Variants in NFS1 observed in about 807,000 individuals in gnomAD.
NFS1 encodes the protein NFS1 cysteine desulfurase.
A neutral mutation model predicts 57.3 loss-of-function variants in NFS1; 26 were observed. That is an observed-to-expected ratio of 0.45 (90% CI 0.33 to 0.63). NFS1 has a LOEUF of 0.63. Ranked by LOEUF, NFS1 falls within the 20% of genes least tolerant of loss-of-function variation. NFS1 has a pLI of 0.02. For synonymous variants in NFS1, 209 were observed against 216.3 expected (o/e 0.97, Z 0.30); for missense variants, 505 against 605.8 (o/e 0.83, Z 1.75).
intron 5 of NFS1, 77 bp from the exon 6 acceptor site, chr20:35,682,058 C>A (rs1231195309): frequency 6.5e-6 from 5 of 770,442 alleles, no homozygotes; most frequent in African/African-American, 1.7e-5. Flanking sequence ...CAAACTTAGT[C>A]ATGAAAAGGA....
At chr20:35,695,260 T>TA (rs978304838) in intron 4 of NFS1, among the ~76,000 whole-genome samples, 9 of 152,206 alleles carry the variant, frequency 5.9e-5, no homozygotes, top group African/African-American at 2.2e-4. Context: ...GCCTTCCTGT[T>TA]AACATGATCA....
chr20:35,687,398 G>A (rs892446961), intron 5 of NFS1, among the ~76,000 whole-genome samples: 1 of 151,828 alleles, frequency 6.6e-6, no homozygotes, highest in Non-Finnish European at 1.5e-5. Flanking sequence ...AATGGCGTAA[G>A]CTGTCTCTCT....
At chr20:35,697,848 A>G in intron 2 of NFS1, 48 bp from the exon 3 acceptor site, 1 of 1,326,798 alleles carries the variant, frequency 7.5e-7, no homozygotes. Flanking sequence ...TCGTCAATTC[A>G]GGTCCCACTC....
chr20:35,690,262 T>C, intron 5 of NFS1, 151 bp downstream of exon 5: 2 of 756,446 alleles, frequency 2.6e-6, no homozygotes, highest in East Asian at 2.5e-5. Flanking sequence ...AAGGGGAACA[T>C]GATCTCGTTC....
At chr20:35,696,551 A>G (rs767488213) in intron 3 of NFS1, 91 bp from the exon 4 acceptor site, 2 of 891,488 alleles carry the variant, frequency 2.2e-6, no homozygotes, top group Non-Finnish European at 3.7e-6. Context: ...GAGCAAGAAG[A>G]GCTCCACTGC....
intron 5 of NFS1, among the ~76,000 whole-genome samples, chr20:35,683,978 CG>C (rs1469765952): frequency 7.3e-5 from 11 of 150,402 alleles, no homozygotes; most frequent in African/African-American, 2.7e-4. Flanking sequence ...CTGGGCATGG[CG>C]GCAGGTGCCT....
intron 7 of NFS1, among the ~76,000 whole-genome samples, chr20:35,677,527 G>C (rs2034773972): frequency 6.6e-6 from 1 of 152,052 alleles, no homozygotes; most frequent in Non-Finnish European, 1.5e-5. Context: ...GCAACAGACT[G>C]AGACCTTGAC....
At chr20:35,688,174 G>A (rs540848714) in intron 5 of NFS1, among the ~76,000 whole-genome samples, 29 of 152,168 alleles carry the variant, frequency 1.9e-4, no homozygotes, top group Middle Eastern at 3.4e-3. Flanking sequence ...ACTTGAACCC[G>A]GGAGGCAGAG....
chr20:35,678,193 A>C (rs960875335), intron 7 of NFS1, among the ~76,000 whole-genome samples: 7 of 142,162 alleles, frequency 4.9e-5, no homozygotes, highest in Non-Finnish European at 9.2e-5. Context: ...ACAAAAATAC[A>C]AAAAAAAAAA....
chr20:35,668,565 C>G lies in NFS1; in HGVS notation c.*1057G>C, dbSNP rs765104787. On this transcript the variant is annotated 3_prime_UTR_variant, in exon 13 of 13. Transcript: ENST00000374092. Reference sequence around the variant, plus strand: ...TGCCATTCCTTCTCACCTCTCATTTCTAGATTAGCGAGCTCTTCATATTTA... The same window carrying G: ...TGCCATTCCTTCTCACCTCTCATTTGTAGATTAGCGAGCTCTTCATATTTA... 2.0e-5 allele frequency: 3 copies of G among 152,182 alleles called. No individual in the cohort carries two copies. The highest frequency in any genetic ancestry group is 4.4e-5 in the Non-Finnish European group (3 of 68,044). The allele number at this position is 152,182 out of a possible 1,614,324, so 9.4% of individuals were successfully genotyped here. A position where few individuals can be genotyped will look rare whatever the true frequency, so the allele number is the denominator to read the frequency against.
chr20:35,684,097 G>A (rs1012923756), intron 5 of NFS1, among the ~76,000 whole-genome samples: 1 of 151,642 alleles, frequency 6.6e-6, no homozygotes, highest in Non-Finnish European at 1.5e-5. Flanking sequence ...GGGGCGACCA[G>A]AGCAAAACTC....
chr20:35,691,686 A>C (rs1288293292), intron 4 of NFS1, among the ~76,000 whole-genome samples: 1 of 140,270 alleles, frequency 7.1e-6, no homozygotes, highest in Non-Finnish European at 1.5e-5. Flanking sequence ...GGTTGCAGTG[A>C]GCCAAGAGTG....
intron 4 of NFS1, among the ~76,000 whole-genome samples, chr20:35,691,397 G>C (rs903217483): frequency 1.4e-5 from 2 of 146,944 alleles, no homozygotes; most frequent in African/African-American, 5.0e-5. Context: ...AAAATTCCTG[G>C]AATTTCAACT....
intron 7 of NFS1, among the ~76,000 whole-genome samples, chr20:35,680,352 T>C (rs2034827259): frequency 6.6e-6 from 1 of 151,848 alleles, no homozygotes; most frequent in African/African-American, 2.4e-5. Context: ...CATGCAATCT[T>C]CCCCTGAGCT....
At chr20:35,695,373 G>A (rs548149213) in intron 4 of NFS1, among the ~76,000 whole-genome samples, 24 of 152,324 alleles carry the variant, frequency 1.6e-4, no homozygotes, top group African/African-American at 5.8e-4. Context: ...AAAGATGAGA[G>A]CAAGTGGAGC....
chr20:35,683,642 T>C (rs1286554049), intron 5 of NFS1, among the ~76,000 whole-genome samples: 1 of 149,978 alleles, frequency 6.7e-6, no homozygotes, highest in East Asian at 2.0e-4. Context: ...TAGCCAGGCA[T>C]GGTGGCACGC....
At chr20:35,689,133 C>A (rs541587819) in intron 5 of NFS1, among the ~76,000 whole-genome samples, 1 of 152,306 alleles carries the variant, frequency 6.6e-6, no homozygotes, top group South Asian at 2.1e-4. Context: ...GAGTCCCTGG[C>A]ATCCTGCACA....
intron 12 of NFS1, among the ~76,000 whole-genome samples, chr20:35,670,432 A>T (rs977728502): frequency 6.6e-6 from 1 of 152,252 alleles, no homozygotes; most frequent in African/African-American, 2.4e-5. Flanking sequence ...TGTGCTATGA[A>T]TATGGGATTT....
rs1477929829 is a variant in NFS1 at position 35,674,247 on chromosome 20, C to G, written c.1136+103G>C. 5 of 936,788 alleles carry G rather than the reference C, an allele frequency of 5.3e-6. No individual in the cohort carries two copies. The African/African-American group carries it at 8.1e-5, about 15-fold the overall frequency. 58.0% of individuals were successfully genotyped at this position (936,788 alleles called of 1,614,324 possible). On this transcript the variant is annotated intron_variant, in intron 10 of 12. Coordinates refer to ENST00000374092, the MANE Select transcript of NFS1 (RefSeq NM_021100.5). ...TTACAAAATGACCTTTACCCTTAATCAAGAGGTCTTGTGCCTATCATCTCC... is the reference window on the plus strand; with the variant it reads ...TTACAAAATGACCTTTACCCTTAATGAAGAGGTCTTGTGCCTATCATCTCC...
Sources: allele counts gnomAD v4.1 joint callset (sites outside exome capture counted in the v4.1 genomes callset), GRCh38; gene constraint gnomAD v4.1.1; transcripts MANE v1.5; gene names NCBI Gene and HGNC (gene_info 2026-07-23, HGNC 2026-07-21).